FANCD2OS: variants seen among roughly 807,000 people sequenced by gnomAD.
The protein encoded by FANCD2OS is FANCD2 opposite strand protein.
In FANCD2OS, 11 loss-of-function variants were observed where a neutral mutation model predicts 13.2. The ratio of observed to expected loss-of-function variants is 0.83; its 90% CI spans 0.52 to 1.38. The LOEUF (loss-of-function observed/expected upper bound fraction) is 1.38. FANCD2OS is among the 40% of genes most tolerant of loss of function. The pLI, the probability that FANCD2OS is intolerant of heterozygous loss-of-function variation, is 0.00. For synonymous variants in FANCD2OS, 69 were observed against 84.5 expected, an observed-to-expected ratio of 0.82 and a Z score of 1.01; for missense variants, 217 against 213.9, an observed-to-expected ratio of 1.01 and a Z score of -0.09.
chr3:10,101,830 C>CT (rs1246728570), downstream of FANCD2OS: 1 of 192,750 alleles, frequency 5.2e-6, no homozygotes, highest in East Asian at 8.3e-5. Flanking sequence ...AGTAAAATCT[C>CT]TGAGTCATGA....
rs916321983 is a variant in FANCD2OS, at chr3:10,108,233, C to G, written c.-227G>C. The G allele has an allele frequency of 2.0e-5, 3 of 152,128 alleles. No individual in the cohort carries two copies. The highest frequency in any genetic ancestry group is 7.2e-5 in the African/African-American group (3 of 41,454). The allele number at this position is 152,128 out of a possible 1,614,324, so 9.4% of individuals were successfully genotyped here. Reference sequence around the variant, plus strand: ...CTGGGCCCAGTCCCACCATCCGGGCCCGGGGCTCACCTGCTGAACTCTGAG... The same window carrying G: ...CTGGGCCCAGTCCCACCATCCGGGCGCGGGGCTCACCTGCTGAACTCTGAG... On this transcript the variant is annotated 5_prime_UTR_variant, in exon 1 of 2. Transcript: ENST00000450660.
intron 2 of FANCD2OS, among the ~76,000 whole-genome samples, chr3:10,085,260 GAAGAA>G (rs1319534440): frequency 2.0e-5 from 3 of 152,134 alleles, no homozygotes; most frequent in African/African-American, 7.2e-5. Context: ...AAAGAGGAAA[GAAGAA>G]AAGAAACCTA....
At chr3:10,101,402 T>A (rs867043314), downstream of FANCD2OS, 8,957 of 538,072 alleles carry the variant, frequency 0.017, 1 homozygote, top group South Asian at 0.04. Context: ...TTTTTTTTTT[T>A]AAAGACGGGG....
downstream of FANCD2OS, chr3:10,099,213 G>A (rs34092072): frequency 1.5e-6 from 2 of 1,363,592 alleles, no homozygotes; most frequent in Non-Finnish European, 1.9e-6. Context: ...AAAGCATTTG[G>A]TGAAAGCCAA....
intron 2 of FANCD2OS, among the ~76,000 whole-genome samples, chr3:10,093,870 C>T (rs1238812132): frequency 1.3e-5 from 2 of 152,212 alleles, no homozygotes; most frequent in Non-Finnish European, 2.9e-5. Flanking sequence ...TTACTCCACC[C>T]TTGCGCAATG....
At chr3:10,107,609 A>G (rs192576929) in intron 1 of FANCD2OS, among the ~76,000 whole-genome samples, 1 of 151,820 alleles carries the variant, frequency 6.6e-6, no homozygotes, top group African/African-American at 2.4e-5. Flanking sequence ...TTCTTGCCAC[A>G]TCTTCTAAGA....
intron 2 of FANCD2OS, chr3:10,093,302 T>C (rs1486027319): frequency 6.2e-7 from 1 of 1,613,508 alleles, no homozygotes; most frequent in Admixed American, 1.7e-5. Flanking sequence ...ATAGTCATCC[T>C]GTTCTGCATG....
At chr3:10,105,773 T>TATAC (rs1695472822) in intron 1 of FANCD2OS, among the ~76,000 whole-genome samples, 1 of 1,410 alleles carries the variant, frequency 7.1e-4, no homozygotes, top group Non-Finnish European at 1.5e-3. Context: ...AAAAAAAAAT[T>TATAC]ATATATATAT....
Position 10,104,444 on chromosome 3 carries a change from G to A in FANCD2OS, c.331C>T (p.Pro111Ser), listed in dbSNP as rs1459639159. ...CTGAAAGTCCCGGTCCACTTTGGTG[G>A]CTGAGCTGTGATAACCCTGCCAAAG... is the stretch of plus-strand genomic sequence containing the variant. ...SVFGRVITAQ[P>S]PKWTGTFRVS... Residue 111 changes from proline to serine, a missense_variant, in exon 2 of 2, where the codon CCA (proline) becomes TCA (serine). Transcript: ENST00000450660. 1 of 1,614,180 alleles carries A rather than the reference G, an allele frequency of 6.2e-7. No individual in the cohort carries two copies. Among genetic ancestry groups the A allele is most frequent in the East Asian group, 2.2e-5 (1 of 44,888 alleles).
At chr3:10,087,078 T>C in intron 2 of FANCD2OS, 1 of 1,598,980 alleles carries the variant, frequency 6.3e-7, no homozygotes, top group Non-Finnish European at 8.6e-7. Flanking sequence ...GATTTAAATA[T>C]ATCTGTGACA....
At chr3:10,092,431 A>ATT (rs35070534) in intron 2 of FANCD2OS, among the ~76,000 whole-genome samples, 20 of 144,884 alleles carry the variant, frequency 1.4e-4, no homozygotes, top group African/African-American at 4.0e-4. Flanking sequence ...CTCACTAGGC[A>ATT]TTTTTTTTTT....
At chr3:10,101,323 G>C, downstream of FANCD2OS, 1 of 1,197,560 alleles carries the variant, frequency 8.4e-7, no homozygotes, top group Non-Finnish European at 1.2e-6. Context: ...TTTTGTGTTA[G>C]AGTTTGAAAT....
At chr3:10,086,062 CT>C in intron 2 of FANCD2OS, 1 of 690,044 alleles carries the variant, frequency 1.4e-6, no homozygotes, top group Non-Finnish European at 2.7e-6. Flanking sequence ...CATATATGAG[CT>C]TTCTCATCTA....
chr3:10,086,661 T>C (rs1305675031), intron 2 of FANCD2OS, among the ~76,000 whole-genome samples: 3 of 152,124 alleles, frequency 2.0e-5, no homozygotes, highest in African/African-American at 7.2e-5. Flanking sequence ...TTTATATTTT[T>C]GTAGAGATGT....
intron 2 of FANCD2OS, among the ~76,000 whole-genome samples, chr3:10,086,092 G>C (rs923309974): frequency 6.6e-6 from 1 of 152,184 alleles, no homozygotes; most frequent in Non-Finnish European, 1.5e-5. Flanking sequence ...GATAAATCCT[G>C]AAGTATTAGA....
Position 10,104,211 on chromosome 3 carries a change from G to A in FANCD2OS, c.*30C>T, listed in dbSNP as rs750484145. The A allele has an allele frequency of 6.4e-7, 1 of 1,557,654 alleles. No individual in the cohort carries two copies. Among genetic ancestry groups the A allele is most frequent in the East Asian group, 2.2e-5 (1 of 44,492 alleles). On this transcript the variant is annotated 3_prime_UTR_variant, in exon 2 of 2. Coordinates refer to ENST00000450660, the MANE Select transcript of FANCD2OS (RefSeq NM_001164839.2). ...TTAGGTACATACCAAAGGGCATGGT[G>A]TGAGTAAATGGGGATCAAATGAGGA...
At chr3:10,106,940 G>C (rs1156316502) in intron 1 of FANCD2OS, among the ~76,000 whole-genome samples, 2 of 152,190 alleles carry the variant, frequency 1.3e-5, no homozygotes, top group East Asian at 3.9e-4. Flanking sequence ...TTTCAGACCA[G>C]AAGACCTGCT....
intron 1 of FANCD2OS, among the ~76,000 whole-genome samples, chr3:10,105,775 TATATATATATATATATATATATATATA>T (rs1695474623): frequency 9.7e-5 from 1 of 10,258 alleles, no homozygotes; most frequent in South Asian, 4.1e-3. Flanking sequence ...AAAAAAATTA[TATATATATATATATATATATATATATA>T]TATATATATA....
In FANCD2OS at chr3:10,088,482, G is replaced by A. The variant is rs2125076610; in HGVS notation, c.*44-6951C>T. On this transcript the variant is annotated intron_variant, in intron 2 of 2. Transcript: ENST00000524279. Reference sequence around the variant, plus strand: ...GCCAGACAATTCCTCTGTCGGGTGTGGCCAAGTGGGGATAAAGAGAAGAGC... The same window carrying A: ...GCCAGACAATTCCTCTGTCGGGTGTAGCCAAGTGGGGATAAAGAGAAGAGC... 6.2e-7 allele frequency: 1 copy of A among 1,612,262 alleles called. No individual in the cohort carries two copies. The highest frequency in any genetic ancestry group is 1.3e-5 in the African/African-American group (1 of 75,002).
Sources: gnomAD v4.1 joint callset for allele counts (sites outside exome capture counted in the v4.1 genomes callset) on GRCh38, gnomAD v4.1.1 for gene constraint, MANE v1.5 for transcripts, NCBI Gene and HGNC (gene_info 2026-07-23, HGNC 2026-07-21) for gene names.